Variants in CNTLN observed in about 807,000 individuals in gnomAD.
The protein encoded by CNTLN is centlein.
A neutral mutation model predicts 180.0 loss-of-function variants in CNTLN; 212 were observed. That is an observed-to-expected ratio of 1.18 (90% CI 1.05 to 1.32). The LOEUF (loss-of-function observed/expected upper bound fraction) is 1.32. CNTLN is among the 40% of genes most tolerant of loss of function. CNTLN has a pLI of 0.00. For synonymous variants in CNTLN, 722 were observed against 563.1 expected (o/e 1.28, Z -3.99); for missense variants, 2,095 against 1,610.9 (o/e 1.30, Z -5.14).
At chr9:17,379,596 C>T (rs971139064) in intron 13 of CNTLN, among the ~76,000 whole-genome samples, 2 of 152,144 alleles carry the variant, frequency 1.3e-5, no homozygotes, top group Non-Finnish European at 2.9e-5. Flanking sequence ...GTCTGATGCC[C>T]AGTATCTAAA....
intron 6 of CNTLN, among the ~76,000 whole-genome samples, chr9:17,280,604 GGTAATGCATTGTT>G (rs1828602110): frequency 6.6e-6 from 1 of 152,122 alleles, no homozygotes; most frequent in Non-Finnish European, 1.5e-5. Context: ...AGTAATTCGA[GGTAATGCATTGTT>G]GTTCTGGCCA....
intron 6 of CNTLN, among the ~76,000 whole-genome samples, chr9:17,282,073 C>T (rs1563953652): frequency 6.6e-6 from 1 of 152,156 alleles, no homozygotes; most frequent in Non-Finnish European, 1.5e-5. Context: ...AGCAATTCTT[C>T]TGCCTCAGCC....
At chr9:17,274,276 A>G (rs993379291) in intron 6 of CNTLN, among the ~76,000 whole-genome samples, 1 of 148,934 alleles carries the variant, frequency 6.7e-6, no homozygotes, top group Non-Finnish European at 1.5e-5. Context: ...TATCAACATA[A>G]TTGATTTTGT....
chr9:17,258,164 A>C (rs1826656881), intron 5 of CNTLN, among the ~76,000 whole-genome samples: 1 of 146,218 alleles, frequency 6.8e-6, no homozygotes, highest in African/African-American at 2.6e-5. Context: ...ATAAGGTGTA[A>C]GGAAGGGATC....
chr9:17,251,899 T>G (rs935844513), intron 5 of CNTLN, among the ~76,000 whole-genome samples: 4 of 151,794 alleles, frequency 2.6e-5, no homozygotes, highest in Non-Finnish European at 5.9e-5. Context: ...TCTCCCACTT[T>G]CCCTTCCTAG....
chr9:17,246,854 C>A (rs1161431478), intron 5 of CNTLN, among the ~76,000 whole-genome samples: 1 of 151,472 alleles, frequency 6.6e-6, no homozygotes, highest in African/African-American at 2.4e-5. Context: ...GGAGATGAAT[C>A]CTGTTGGGAC....
At chr9:17,199,083 T>C (rs1225095774) in intron 2 of CNTLN, among the ~76,000 whole-genome samples, 1 of 152,164 alleles carries the variant, frequency 6.6e-6, no homozygotes, top group Non-Finnish European at 1.5e-5. Flanking sequence ...TTTCTGGTTC[T>C]AGATCTATGA....
chr9:17,267,487 C>A (rs574150904), intron 5 of CNTLN, among the ~76,000 whole-genome samples: 1 of 152,170 alleles, frequency 6.6e-6, no homozygotes, highest in East Asian at 1.9e-4. Context: ...TCCTTCATTT[C>A]AACTTTGGTG....
At chr9:17,188,318 A>G (rs1271103747) in intron 2 of CNTLN, among the ~76,000 whole-genome samples, 2 of 152,086 alleles carry the variant, frequency 1.3e-5, no homozygotes, top group Non-Finnish European at 2.9e-5. Flanking sequence ...GCCCAGTTCT[A>G]CCATGAGGGT....
intron 8 of CNTLN, among the ~76,000 whole-genome samples, chr9:17,320,683 A>C (rs533278821): frequency 7.9e-4 from 120 of 151,686 alleles, no homozygotes; most frequent in African/African-American, 2.7e-3. Context: ...TTGTATTTTT[A>C]GTAGACACGG....
chr9:17,323,099 G>T (rs1485092787), intron 8 of CNTLN, among the ~76,000 whole-genome samples: 1 of 152,054 alleles, frequency 6.6e-6, no homozygotes, highest in Non-Finnish European at 1.5e-5. Context: ...TATGCCATAT[G>T]CTTTAACTGT....
chr9:17,457,797 T>C, intron 19 of CNTLN, 82 bp downstream of exon 19: 1 of 865,194 alleles, frequency 1.2e-6, no homozygotes. Flanking sequence ...ACTAATTTAT[T>C]CTAATAAAGG....
At chr9:17,274,128 T>A (rs1205667401) in intron 6 of CNTLN, among the ~76,000 whole-genome samples, 1 of 152,106 alleles carries the variant, frequency 6.6e-6, no homozygotes, top group Non-Finnish European at 1.5e-5. Context: ...ATGCTTTCAT[T>A]CATTGTTTTC....
chr9:17,313,471 G>C (rs1819343927), intron 8 of CNTLN, among the ~76,000 whole-genome samples: 1 of 151,572 alleles, frequency 6.6e-6, no homozygotes, highest in South Asian at 2.1e-4. Context: ...CACAGTTTCT[G>C]ATGGTAATTC....
chr9:17,287,843 C>T (rs890596138), intron 6 of CNTLN, among the ~76,000 whole-genome samples: 25 of 148,478 alleles, frequency 1.7e-4, no homozygotes, highest in East Asian at 9.9e-4. Context: ...TCTGTGGGAT[C>T]GCTGGTGATA....
intron 2 of CNTLN, among the ~76,000 whole-genome samples, chr9:17,214,947 C>T (rs1280259558): frequency 6.6e-6 from 1 of 152,114 alleles, no homozygotes; most frequent in Non-Finnish European, 1.5e-5. Context: ...TCTAGTTAGC[C>T]ATTTGTCTAA....
intron 2 of CNTLN, among the ~76,000 whole-genome samples, chr9:17,211,539 C>G (rs908070260): frequency 6.6e-6 from 1 of 152,138 alleles, no homozygotes; most frequent in Non-Finnish European, 1.5e-5. Flanking sequence ...GCAATGCGGG[C>G]TCTTTTTTGG....
chr9:17,348,693 G>T (rs1822122746), intron 12 of CNTLN, among the ~76,000 whole-genome samples: 1 of 151,960 alleles, frequency 6.6e-6, no homozygotes, highest in Non-Finnish European at 1.5e-5. Context: ...ACCACGCGGG[G>T]CAAATTTTTG....
At chr9:17,297,571 C>T (rs371805239) in intron 6 of CNTLN, among the ~76,000 whole-genome samples, 2 of 152,098 alleles carry the variant, frequency 1.3e-5, no homozygotes, top group East Asian at 3.9e-4. Context: ...CATTTGTCCT[C>T]CTGCTTATCA....
Sources: gnomAD v4.1 joint callset for allele counts (sites outside exome capture counted in the v4.1 genomes callset) on GRCh38, gnomAD v4.1.1 for gene constraint, MANE v1.5 for transcripts, NCBI Gene and HGNC (gene_info 2026-07-23, HGNC 2026-07-21) for gene names.